The following THADA variants were observed in gnomAD, a reference collection of about 807,000 sequenced individuals.
THADA encodes THADA armadillo repeat containing.
In THADA, 213 loss-of-function variants were observed where a neutral mutation model predicts 219.8. That is an observed-to-expected ratio of 0.97 (90% CI 0.87 to 1.09). THADA has a LOEUF of 1.09. Among genes scored for constraint, THADA ranks in the 50% least tolerant of loss-of-function variants. The pLI is 0.00. For missense variants in THADA, 2,956 were observed against 2,311.3 expected, an observed-to-expected ratio of 1.28 and a Z score of -5.72; for synonymous variants, 1,018 against 828.9, an observed-to-expected ratio of 1.23 and a Z score of -3.92.
At chr2:43,233,048 GAATCCTGCTATTTAT>G (rs1246482322) in intron 36 of THADA, 166 bp from the exon 37 acceptor site, 1 of 662,976 alleles carries the variant, frequency 1.5e-6, no homozygotes, top group African/African-American at 1.8e-5. Flanking sequence ...ATCACCTTCT[GAATCCTGCTATTTAT>G]ACTGTTAGAA....
chr2:43,342,765 T>A (rs1667196643), intron 30 of THADA, among the ~76,000 whole-genome samples: 1 of 152,206 alleles, frequency 6.6e-6, no homozygotes, highest in Non-Finnish European at 1.5e-5. Context: ...GAGCCAGGAC[T>A]AGCTCTTTTA....
At chr2:43,263,018 A>G (rs1395338757) in intron 36 of THADA, among the ~76,000 whole-genome samples, 1 of 152,200 alleles carries the variant, frequency 6.6e-6, no homozygotes, top group Admixed American at 6.5e-5. Context: ...AGTCAGCAGC[A>G]GGGCATCCTT....
chr2:43,427,919 G>A (rs764010750), intron 28 of THADA, among the ~76,000 whole-genome samples, 181 bp downstream of exon 28: 2 of 149,340 alleles, frequency 1.3e-5, no homozygotes, highest in African/African-American at 4.9e-5. Flanking sequence ...TCGCGCCACT[G>A]CACTCCAACC....
At chr2:43,426,672 T>C (rs888870215) in intron 28 of THADA, among the ~76,000 whole-genome samples, 1 of 152,212 alleles carries the variant, frequency 6.6e-6, no homozygotes, top group Non-Finnish European at 1.5e-5. Context: ...TGCAAGCGCA[T>C]GCCAGAACCT....
chr2:43,525,662 C>T (rs1693080252), intron 22 of THADA, among the ~76,000 whole-genome samples: 1 of 152,174 alleles, frequency 6.6e-6, no homozygotes, highest in Non-Finnish European at 1.5e-5. Flanking sequence ...CATCTGCCAG[C>T]TGAATGCCAC....
intron 31 of THADA, among the ~76,000 whole-genome samples, chr2:43,310,607 A>C (rs1027358302): frequency 2.6e-5 from 4 of 152,238 alleles, no homozygotes; most frequent in African/African-American, 9.6e-5. Context: ...CATGGATCAT[A>C]AACTTATGAA....
At chr2:43,584,413 A>T (rs1700794435) in intron 7 of THADA, among the ~76,000 whole-genome samples, 1 of 152,158 alleles carries the variant, frequency 6.6e-6, no homozygotes, top group Non-Finnish European at 1.5e-5. Flanking sequence ...GAACAAAATA[A>T]AAAGGACAGA....
intron 24 of THADA, among the ~76,000 whole-genome samples, chr2:43,500,978 A>C (rs1270831421): frequency 6.6e-6 from 1 of 152,096 alleles, no homozygotes; most frequent in Non-Finnish European, 1.5e-5. Context: ...TGCAAAAAAA[A>C]AGACATTAGA....
Position 43,552,295 on chromosome 2 carries a change from C to T in THADA, c.2719G>A (p.Ala907Thr), listed in dbSNP as rs1260528811. 1.9e-6 allele frequency: 3 copies of T among 1,608,056 alleles called. No homozygotes were observed. The highest frequency in any genetic ancestry group is 1.3e-5 in the African/African-American group (1 of 74,606). Residue 907 changes from alanine to threonine, a missense_variant, in exon 18 of 38, where the codon GCT becomes ACT. Ala to Thr is a moderately conservative substitution (Grantham distance 58, BLOSUM62 0). Coordinates refer to ENST00000405975, the MANE Select transcript of THADA (RefSeq NM_022065.5). ...GCTGCCTGAAGCAGAGAATTTTCAG[C>T]CTGAGATACTTCTTCCTCAAGATTT... is the stretch of plus-strand genomic sequence containing the variant. ...MENLEEEVSQ[A>T]ENSLLQAAAA...
In THADA at chr2:43,411,686, T is replaced by C. The variant is rs561624256; in HGVS notation, c.4059-13547A>G. On this transcript the variant is annotated intron_variant, in intron 28 of 37. Coordinates refer to ENST00000405975, the MANE Select transcript of THADA (RefSeq NM_022065.5). ...CACAATGGAGACTGCTGTGCAAAGTTAGAAGATGAAACAAAACTGATTACA... is the reference window on the plus strand; with the variant it reads ...CACAATGGAGACTGCTGTGCAAAGTCAGAAGATGAAACAAAACTGATTACA... Among the ~76,000 whole-genome samples the C allele has an allele frequency of 5.3e-5, 8 of 152,312 alleles. No homozygotes were observed. The East Asian group carries it at 9.6e-4, about 18-fold the overall frequency.
intron 30 of THADA, among the ~76,000 whole-genome samples, chr2:43,331,213 T>C (rs1370411580): frequency 6.6e-6 from 1 of 152,210 alleles, no homozygotes; most frequent in Non-Finnish European, 1.5e-5. Context: ...CTGTTATAAA[T>C]TCTGTGGTTC....
rs1380618914 is a variant in THADA at position 43,293,043 on chromosome 2, G to A, written c.4609C>T (p.Arg1537Trp). 5 of 1,613,928 alleles carry A rather than the reference G, an allele frequency of 3.1e-6. No individual in the cohort carries two copies. Among genetic ancestry groups the A allele is most frequent in the South Asian group, 1.1e-5 (1 of 91,074 alleles). ...VWAAAAKSGERETNVPISFSQ... is the reference protein window; with the variant it reads ...VWAAAAKSGEWETNVPISFSQ... ...AAAGAGATGGGGACATTCGTCTCCC[G>A]CTCTCCACTCTTGGCTGCCGCGGCC... Residue 1537 changes from arginine to tryptophan, a missense_variant, in exon 32 of 38, where the codon CGG becomes TGG. Physicochemically the swap from Arg to Trp is moderately radical, Grantham distance 101. Transcript: ENST00000405975.
At chr2:43,551,677 C>T in intron 19 of THADA, 112 bp downstream of exon 19, 1 of 965,918 alleles carries the variant, frequency 1.0e-6, no homozygotes, top group Non-Finnish European at 1.4e-6. Context: ...ATTATTTTCT[C>T]CTCAACTTAG....
intron 1 of THADA, among the ~76,000 whole-genome samples, chr2:43,593,640 T>C (rs1701819141): frequency 6.6e-6 from 1 of 150,440 alleles, no homozygotes. Context: ...CTTTTTTTTT[T>C]TTTTTTTTTT....
At chr2:43,567,552 A>T (rs968339863) in intron 14 of THADA, among the ~76,000 whole-genome samples, 1 of 152,270 alleles carries the variant, frequency 6.6e-6, no homozygotes, top group Non-Finnish European at 1.5e-5. Context: ...GCTTGAACCC[A>T]GGAGGCAGAG....
chr2:43,320,433 C>A lies in THADA; in HGVS notation c.4438+13G>T, dbSNP rs1429415876. On this transcript the variant is annotated intron_variant, in intron 31 of 37. Transcript: ENST00000405975. The stretch of plus-strand genomic sequence containing the variant: ...GTAACGATTCCAAAATACAGTATAA[C>A]TATGAATCATACCTGGCTGGTTGTC... 3 of 1,601,034 alleles carry A rather than the reference C, an allele frequency of 1.9e-6. No individual in the cohort carries two copies. The highest frequency in any genetic ancestry group is 2.6e-6 in the Non-Finnish European group (3 of 1,170,942).
rs769150246 is a variant in THADA, at chr2:43,230,935, C to T, written c.*13G>A. 6.3e-7 allele frequency: 1 copy of T among 1,595,340 alleles called. No individual in the cohort carries two copies. Among genetic ancestry groups the T allele is most frequent in the East Asian group, 2.2e-5 (1 of 44,450 alleles). ...ATCCACACATACCCCCATCCCAATC[C>T]CCCAGATTTTCTTCAACATGCCGCT... On this transcript the variant is annotated 3_prime_UTR_variant, in exon 38 of 38. Transcript: ENST00000405975.
chr2:43,379,423 G>A (rs1671747094), intron 29 of THADA, among the ~76,000 whole-genome samples: 1 of 152,094 alleles, frequency 6.6e-6, no homozygotes. Flanking sequence ...ATGACATCAG[G>A]AATCATAATT....
intron 31 of THADA, among the ~76,000 whole-genome samples, chr2:43,296,017 T>G (rs918768972): frequency 6.6e-6 from 1 of 150,790 alleles, no homozygotes; most frequent in Non-Finnish European, 1.5e-5. Flanking sequence ...CCTCCAGGGT[T>G]CAAGTGATTC....
Sources: gnomAD v4.1 joint callset for allele counts (sites outside exome capture counted in the v4.1 genomes callset) on GRCh38, gnomAD v4.1.1 for gene constraint, MANE v1.5 for transcripts, NCBI Gene and HGNC (gene_info 2026-07-23, HGNC 2026-07-21) for gene names.